Variants in ARHGAP10 observed in about 807,000 individuals in gnomAD.
The protein encoded by ARHGAP10 is rho GTPase-activating protein 10.
ARHGAP10 carries 87 observed loss-of-function variants against 108.6 expected under a neutral mutation model. The observed-to-expected ratio is 0.80, with a 90% CI of 0.67 to 0.96. The LOEUF (loss-of-function observed/expected upper bound fraction) is 0.96. Among genes scored for constraint, ARHGAP10 ranks in the 40% least tolerant of loss-of-function variants. The pLI is 0.00. For synonymous variants in ARHGAP10, 347 were observed against 341.1 expected (o/e 1.02, Z -0.19); for missense variants, 939 against 954.5 (o/e 0.98, Z 0.21).
chr4:147,995,340 A>T (rs1740432307), intron 18 of ARHGAP10, among the ~76,000 whole-genome samples: 1 of 152,204 alleles, frequency 6.6e-6, no homozygotes, highest in Non-Finnish European at 1.5e-5. Flanking sequence ...TCCAAAGTCT[A>T]TGAATAGACT....
chr4:148,000,336 T>C (rs527616399), intron 18 of ARHGAP10, among the ~76,000 whole-genome samples: 2 of 152,348 alleles, frequency 1.3e-5, no homozygotes, highest in East Asian at 1.9e-4. Flanking sequence ...TTGATGGACA[T>C]TGGGGTTGGT....
rs1736660805 is a variant in ARHGAP10, at chr4:147,909,795, A to G, written c.1162+18A>G. The G allele has an allele frequency of 6.3e-7, 1 of 1,596,126 alleles. No individual in the cohort carries two copies. The highest frequency in any genetic ancestry group is 1.1e-5 in the South Asian group (1 of 90,620). On this transcript the variant is annotated intron_variant, in intron 12 of 22. Coordinates refer to ENST00000336498, the MANE Select transcript of ARHGAP10 (RefSeq NM_024605.4). Reference sequence around the variant, plus strand: ...AGAAGGAAGTAAGTGCTCATTTATAAAAATGATTGTATCCTCCTTTTCCAT... The same window carrying G: ...AGAAGGAAGTAAGTGCTCATTTATAGAAATGATTGTATCCTCCTTTTCCAT...
At chr4:148,012,508 G>C (rs959511339) in intron 18 of ARHGAP10, among the ~76,000 whole-genome samples, 1 of 152,154 alleles carries the variant, frequency 6.6e-6, no homozygotes, top group Non-Finnish European at 1.5e-5. Flanking sequence ...GGAGTGAGAG[G>C]GGGAACAGTG....
Position 147,748,412 on chromosome 4 carries a change from T to G in ARHGAP10, c.154+15957T>G, listed in dbSNP as rs984457112. Among the ~76,000 whole-genome samples, 7 of 152,222 alleles carry G rather than the reference T, an allele frequency of 4.6e-5. 1 individual carries two copies. Among genetic ancestry groups the G allele is most frequent in the Admixed American group, 4.6e-4 (7 of 15,282 alleles). ...AAAAAAGCTGATGTCTTGTACCAAGTTTTAGTTTTAGAAAATAAGATCTGG... is the reference window on the plus strand; with the variant it reads ...AAAAAAGCTGATGTCTTGTACCAAGGTTTAGTTTTAGAAAATAAGATCTGG... On this transcript the variant is annotated intron_variant, in intron 1 of 22. Transcript: ENST00000336498.
chr4:147,934,818 A>G (rs1737862124), intron 13 of ARHGAP10, among the ~76,000 whole-genome samples: 1 of 152,230 alleles, frequency 6.6e-6, no homozygotes, highest in East Asian at 1.9e-4. Flanking sequence ...GGGTGACAGA[A>G]TGAGACCCTG....
At chr4:147,869,050 A>T (rs1734691044) in intron 7 of ARHGAP10, among the ~76,000 whole-genome samples, 3 of 152,232 alleles carry the variant, frequency 2.0e-5, no homozygotes, top group Non-Finnish European at 4.4e-5. Context: ...GCTGGCCAGA[A>T]TGAGAACCTT....
chr4:147,934,572 TTGCCTGTAATCC>T (rs1247691219), intron 13 of ARHGAP10, among the ~76,000 whole-genome samples: 1 of 152,216 alleles, frequency 6.6e-6, no homozygotes, highest in African/African-American at 2.4e-5. Context: ...GCAGTGGCTC[TTGCCTGTAATCC>T]CAGCACTTTG....
intron 9 of ARHGAP10, 21 bp downstream of exon 9, chr4:147,879,359 A>G (rs768153595): frequency 6.3e-7 from 1 of 1,596,232 alleles, no homozygotes; most frequent in Admixed American, 1.7e-5. Context: ...GATTCAACAT[A>G]GAATAGATTA....
At chr4:147,837,486 T>A (rs1449659484) in intron 3 of ARHGAP10, among the ~76,000 whole-genome samples, 2 of 152,094 alleles carry the variant, frequency 1.3e-5, no homozygotes, top group East Asian at 3.9e-4. Context: ...GCCCAGGTTG[T>A]ACCACAGAGC....
intron 18 of ARHGAP10, among the ~76,000 whole-genome samples, chr4:148,015,726 C>G (rs1741320982): frequency 1.3e-5 from 2 of 152,218 alleles, no homozygotes; most frequent in Admixed American, 1.3e-4. Flanking sequence ...CCTAGTCAAA[C>G]AACCCCAAGG....
intron 13 of ARHGAP10, among the ~76,000 whole-genome samples, chr4:147,918,916 G>A (rs1189859872): frequency 1.3e-5 from 2 of 152,080 alleles, no homozygotes; most frequent in African/African-American, 4.8e-5. Context: ...TTCAATTATT[G>A]GGACCTTACT....
At chr4:148,031,716 G>A (rs1210495097) in intron 19 of ARHGAP10, among the ~76,000 whole-genome samples, 1 of 152,188 alleles carries the variant, frequency 6.6e-6, no homozygotes, top group East Asian at 1.9e-4. Context: ...TTGTAAGGGA[G>A]TCACAGCTGT....
intron 19 of ARHGAP10, among the ~76,000 whole-genome samples, chr4:148,031,854 A>T (rs1728162612): frequency 6.6e-6 from 1 of 152,122 alleles, no homozygotes; most frequent in African/African-American, 2.4e-5. Context: ...TTTTTATGAG[A>T]GAAAGGGGAG....
chr4:147,767,178 G>A (rs139331147), intron 1 of ARHGAP10, among the ~76,000 whole-genome samples: 125 of 152,140 alleles, frequency 8.2e-4, no homozygotes, highest in African/African-American at 2.9e-3. Flanking sequence ...AAATCCAGCA[G>A]CAAAGAAATC....
At chr4:148,004,820 T>C (rs1740880733) in intron 18 of ARHGAP10, among the ~76,000 whole-genome samples, 1 of 152,240 alleles carries the variant, frequency 6.6e-6, no homozygotes, top group Non-Finnish European at 1.5e-5. Flanking sequence ...GAAGACACAG[T>C]TTAGCTGTGC....
At chr4:147,938,388 A>AAT (rs1738036010) in intron 13 of ARHGAP10, among the ~76,000 whole-genome samples, 1 of 152,202 alleles carries the variant, frequency 6.6e-6, no homozygotes, top group African/African-American at 2.4e-5. Context: ...AGTATATGTA[A>AAT]CTATAATTTT....
chr4:148,025,883 A>G (rs765586680), intron 19 of ARHGAP10, among the ~76,000 whole-genome samples: 2 of 152,176 alleles, frequency 1.3e-5, no homozygotes, highest in Non-Finnish European at 2.9e-5. Context: ...ATGCATTATT[A>G]TAGACAACTT....
chr4:148,009,128 C>CT (rs1317412720), intron 18 of ARHGAP10, among the ~76,000 whole-genome samples: 1 of 151,106 alleles, frequency 6.6e-6, no homozygotes, highest in Non-Finnish European at 1.5e-5. Context: ...CAATACTTCT[C>CT]TTTTTTCTCT....
At chr4:148,002,343 A>G (rs1051245275) in intron 18 of ARHGAP10, among the ~76,000 whole-genome samples, 23 of 152,196 alleles carry the variant, frequency 1.5e-4, no homozygotes, top group East Asian at 3.9e-4. Flanking sequence ...TTTTGCATCA[A>G]TGTTCATCAG....
Sources: allele counts gnomAD v4.1 joint callset (sites outside exome capture counted in the v4.1 genomes callset), GRCh38; gene constraint gnomAD v4.1.1; transcripts MANE v1.5; gene names NCBI Gene and HGNC (gene_info 2026-07-23, HGNC 2026-07-21).